TMEM132D: variants seen among roughly 807,000 people sequenced by gnomAD.
The protein encoded by TMEM132D is mature OL transmembrane protein.
Under a neutral mutation model 62.3 loss-of-function variants are expected in TMEM132D, and 21 were observed. That is an observed-to-expected ratio of 0.34 (90% confidence interval 0.24 to 0.49). TMEM132D has a LOEUF of 0.49. Ranked by LOEUF, TMEM132D falls within the 20% of genes least tolerant of loss-of-function variation. The probability of loss-of-function intolerance (pLI) is 0.99; values close to 1 mark genes in which losing one functional copy is unlikely to be tolerated. For synonymous variants in TMEM132D, 621 were observed against 575.6 expected, an observed-to-expected ratio of 1.08 and a Z score of -1.13; for missense variants, 1,346 against 1,402.8, an observed-to-expected ratio of 0.96 and a Z score of 0.65.
chr12:129,796,137 C>A (rs1871554361), intron 1 of TMEM132D, among the ~76,000 whole-genome samples: 2 of 151,700 alleles, frequency 1.3e-5, no homozygotes, highest in South Asian at 4.2e-4. Context: ...GAGTTTGAGA[C>A]CAGCCTGGGC....
chr12:129,685,508 T>C (rs991825852), intron 2 of TMEM132D, among the ~76,000 whole-genome samples: 4 of 152,196 alleles, frequency 2.6e-5, no homozygotes, highest in East Asian at 1.9e-4. Flanking sequence ...AGAGGATGTA[T>C]GGAAATCCCT....
At chr12:129,901,962 C>T (rs1875372871) in intron 1 of TMEM132D, among the ~76,000 whole-genome samples, 1 of 151,916 alleles carries the variant, frequency 6.6e-6, no homozygotes, top group Admixed American at 6.6e-5. Context: ...AATTCATCAA[C>T]CTTTTCTTTG....
intron 1 of TMEM132D, among the ~76,000 whole-genome samples, chr12:129,801,466 C>CA (rs1049688207): frequency 9.2e-5 from 14 of 151,874 alleles, no homozygotes; most frequent in African/African-American, 3.4e-4. Context: ...AACAGACCTG[C>CA]AGCTGAGGGT....
At chr12:129,525,243 T>C in intron 3 of TMEM132D, among the ~76,000 whole-genome samples, 1 of 140,016 alleles carries the variant, frequency 7.1e-6, no homozygotes, top group East Asian at 2.1e-4. Flanking sequence ...TTTTTTTTTT[T>C]TTTTTTTTTT....
chr12:129,097,547 A>G (rs1875154749), intron 5 of TMEM132D, among the ~76,000 whole-genome samples: 2 of 152,262 alleles, frequency 1.3e-5, no homozygotes, highest in Admixed American at 1.3e-4. Flanking sequence ...ACAAAGAACA[A>G]TAATTTTATA....
intron 1 of TMEM132D, among the ~76,000 whole-genome samples, chr12:129,830,958 C>T (rs1872810327): frequency 1.3e-5 from 2 of 152,154 alleles, no homozygotes; most frequent in South Asian, 4.2e-4. Context: ...CCCCAGGACT[C>T]TCCGTCTGGC....
intron 3 of TMEM132D, among the ~76,000 whole-genome samples, chr12:129,485,398 A>C (rs891735028): frequency 1.3e-5 from 2 of 152,200 alleles, no homozygotes; most frequent in African/African-American, 4.8e-5. Flanking sequence ...AGGAAAAATC[A>C]CAGGCACTTG....
intron 2 of TMEM132D, among the ~76,000 whole-genome samples, chr12:129,640,066 AC>A (rs1190128183): frequency 1.3e-5 from 2 of 151,910 alleles, no homozygotes; most frequent in Non-Finnish European, 2.9e-5. Context: ...ACATACACAC[AC>A]ACACACACAC....
intron 1 of TMEM132D, among the ~76,000 whole-genome samples, chr12:129,803,809 A>G: frequency 6.6e-6 from 1 of 151,070 alleles, no homozygotes; most frequent in Non-Finnish European, 1.5e-5. Context: ...TAATAAAGAA[A>G]AAAAGAGAGA....
intron 4 of TMEM132D, among the ~76,000 whole-genome samples, chr12:129,241,158 A>C (rs554564344): frequency 6.6e-6 from 1 of 151,470 alleles, no homozygotes; most frequent in East Asian, 1.9e-4. Flanking sequence ...CTCAAAAAAA[A>C]AAAAAAAAAA....
chr12:129,318,457 G>T (rs1473773044), intron 4 of TMEM132D, among the ~76,000 whole-genome samples: 1 of 152,174 alleles, frequency 6.6e-6, no homozygotes, highest in African/African-American at 2.4e-5. Flanking sequence ...CTCCGGGCTG[G>T]TACTGGGGGT....
intron 3 of TMEM132D, among the ~76,000 whole-genome samples, chr12:129,360,695 C>G (rs1379320513): frequency 6.6e-6 from 1 of 152,172 alleles, no homozygotes; most frequent in Non-Finnish European, 1.5e-5. Context: ...CTCTCTAGAT[C>G]AGTCCATGGA....
intron 4 of TMEM132D, among the ~76,000 whole-genome samples, chr12:129,295,691 G>A (rs1881557604): frequency 1.3e-5 from 2 of 151,934 alleles, no homozygotes; most frequent in South Asian, 4.1e-4. Context: ...CAAGGGATTG[G>A]TTCCAGGACA....
chr12:129,092,315 T>TTG (rs1056344714), intron 5 of TMEM132D, among the ~76,000 whole-genome samples: 1 of 151,760 alleles, frequency 6.6e-6, no homozygotes, highest in African/African-American at 2.4e-5. Context: ...TTTTTTTTTT[T>TTG]TTTTGTTCAA....
chr12:129,147,554 C>T (rs975785864), intron 5 of TMEM132D, among the ~76,000 whole-genome samples: 1 of 152,136 alleles, frequency 6.6e-6, no homozygotes, highest in Non-Finnish European at 1.5e-5. Context: ...TGTCAACTAA[C>T]CTATCATGTC....
intron 4 of TMEM132D, among the ~76,000 whole-genome samples, chr12:129,294,302 G>T (rs1011043): frequency 0.26 from 39,799 of 152,024 alleles, 5,669 homozygotes; most frequent in East Asian, 0.4. Context: ...GTCATTAGAT[G>T]AAATATGTTA....
At chr12:129,266,016 C>A (rs1880682163) in intron 4 of TMEM132D, among the ~76,000 whole-genome samples, 1 of 152,090 alleles carries the variant, frequency 6.6e-6, no homozygotes, top group South Asian at 2.1e-4. Flanking sequence ...TAAATAGGTG[C>A]ACTGAGTGAC....
chr12:129,290,941 A>G (rs998945635), intron 4 of TMEM132D, among the ~76,000 whole-genome samples: 1 of 152,228 alleles, frequency 6.6e-6, no homozygotes, highest in Non-Finnish European at 1.5e-5. Flanking sequence ...CAGAAATTGC[A>G]TAAAGTTCAT....
At chr12:129,139,629 T>A (rs1876679209) in intron 5 of TMEM132D, among the ~76,000 whole-genome samples, 1 of 152,244 alleles carries the variant, frequency 6.6e-6, no homozygotes, top group East Asian at 1.9e-4. Context: ...TTGACTACTC[T>A]GTTGTCTTTA....
Sources: gnomAD v4.1 joint callset for allele counts (sites outside exome capture counted in the v4.1 genomes callset) on GRCh38, gnomAD v4.1.1 for gene constraint, MANE v1.5 for transcripts, NCBI Gene and HGNC (gene_info 2026-07-23, HGNC 2026-07-21) for gene names.